DLG5: variants seen among roughly 807,000 people sequenced by gnomAD.
The protein encoded by DLG5 is discs large MAGUK scaffold protein 5.
Under a neutral mutation model 189.8 loss-of-function variants are expected in DLG5, and 48 were observed. The ratio of observed to expected loss-of-function variants is 0.25; its 90% CI spans 0.20 to 0.32. The LOEUF (loss-of-function observed/expected upper bound fraction) is 0.32. DLG5 is among the 10% of genes least tolerant of loss of function. The pLI is 1.00. For missense variants in DLG5, 2,160 were observed against 2,544.7 expected (o/e 0.85, Z 3.25); for synonymous variants, 1,016 against 1,054.1 (o/e 0.96, Z 0.70).
intron 1 of DLG5, among the ~76,000 whole-genome samples, chr10:77,902,095 G>C (rs116498240): frequency 0.011 from 1,626 of 152,348 alleles, 26 homozygotes; most frequent in African/African-American, 0.038. Context: ...AGAGGGAACA[G>C]ACAGGTGTGG....
intron 17 of DLG5, among the ~76,000 whole-genome samples, chr10:77,818,689 C>G (rs1186461335): frequency 6.6e-6 from 1 of 152,192 alleles, no homozygotes; most frequent in Non-Finnish European, 1.5e-5. Context: ...ACCACCCACT[C>G]TAACTTGCCA....
chr10:77,842,250 C>T (rs951587124), intron 6 of DLG5, 57 bp from the exon 7 acceptor site: 9 of 1,557,366 alleles, frequency 5.8e-6, no homozygotes, highest in African/African-American at 4.1e-5. Flanking sequence ...GGTCAGTGGC[C>T]GGCTGCGCTG....
intron 4 of DLG5, 71 bp downstream of exon 4, chr10:77,854,156 T>C: frequency 6.4e-7 from 1 of 1,567,782 alleles, no homozygotes; most frequent in East Asian, 2.2e-5. Flanking sequence ...GGCTACTAAG[T>C]CCAGAGAAAA....
In DLG5 at chr10:77,921,691, A is replaced by G. The variant is rs537133103; in HGVS notation, c.304+4526T>C. ...TCCCTCCATGGCTCCATGCATTCAG[A>G]GCTTCACTTCAACACCAAGTCCCAG... On this transcript the variant is annotated intron_variant, in intron 1 of 31. Transcript: ENST00000372391. Among the ~76,000 whole-genome samples the G allele has an allele frequency of 7.9e-5, 12 of 152,260 alleles. No homozygotes were observed. The East Asian group carries it at 2.3e-3, about 29-fold the overall frequency.
At chr10:77,815,535 C>T (rs1842007810) in intron 20 of DLG5, among the ~76,000 whole-genome samples, 1 of 152,144 alleles carries the variant, frequency 6.6e-6, no homozygotes, top group Non-Finnish European at 1.5e-5. Context: ...TGGTGGGCGC[C>T]TGTAATCTCA....
At chr10:77,817,755 A>G (rs933179875) in intron 18 of DLG5, 22 bp downstream of exon 18, 2 of 1,544,542 alleles carry the variant, frequency 1.3e-6, no homozygotes, top group East Asian at 2.4e-5. Flanking sequence ...TCTGCAGCAC[A>G]AAGTCCAAGT....
At chr10:77,896,103 T>C (rs944254607) in intron 1 of DLG5, among the ~76,000 whole-genome samples, 4 of 150,520 alleles carry the variant, frequency 2.7e-5, no homozygotes, top group African/African-American at 4.9e-5. Flanking sequence ...AAGTTTGCAG[T>C]GAGCCAAGAT....
intron 27 of DLG5, among the ~76,000 whole-genome samples, chr10:77,799,320 C>T (rs1841084675): frequency 6.6e-6 from 1 of 152,184 alleles, no homozygotes; most frequent in African/African-American, 2.4e-5. Context: ...CCCTAAGCCC[C>T]AGTGTGACTA....
intron 22 of DLG5, among the ~76,000 whole-genome samples, chr10:77,811,657 C>A (rs911604686): frequency 6.6e-6 from 1 of 152,104 alleles, no homozygotes; most frequent in Non-Finnish European, 1.5e-5. Flanking sequence ...TGAGAATCCA[C>A]CCCCGGGGCC....
At chr10:77,894,791 C>T (rs1845710454) in intron 1 of DLG5, among the ~76,000 whole-genome samples, 3 of 152,090 alleles carry the variant, frequency 2.0e-5, no homozygotes, top group Admixed American at 2.0e-4. Flanking sequence ...AAGAAGCCCT[C>T]GCTGCTAGCT....
intron 2 of DLG5, among the ~76,000 whole-genome samples, chr10:77,859,122 T>G (rs571979614): frequency 9.2e-5 from 14 of 152,180 alleles, no homozygotes; most frequent in Non-Finnish European, 1.8e-4. Context: ...GGGATCTGCC[T>G]GCCTTGGCCT....
At chr10:77,873,837 C>T (rs1564567787) in intron 1 of DLG5, among the ~76,000 whole-genome samples, 1 of 152,176 alleles carries the variant, frequency 6.6e-6, no homozygotes, top group African/African-American at 2.4e-5. Flanking sequence ...GCCAGCACCC[C>T]CTACCTCAAT....
chr10:77,815,862 T>A (rs917993681), intron 20 of DLG5, among the ~76,000 whole-genome samples: 2 of 152,104 alleles, frequency 1.3e-5, no homozygotes, highest in East Asian at 3.9e-4. Context: ...GTAAGTTCCA[T>A]CTAGGGGAAC....
At chr10:77,811,829 C>A in intron 22 of DLG5, 95 bp downstream of exon 22, 1 of 1,454,648 alleles carries the variant, frequency 6.9e-7, no homozygotes, top group Non-Finnish European at 9.1e-7. Context: ...CCAGAACTTA[C>A]GGCTGGCACC....
intron 27 of DLG5, among the ~76,000 whole-genome samples, chr10:77,797,181 C>G (rs1160587955): frequency 6.6e-6 from 1 of 152,208 alleles, no homozygotes; most frequent in African/African-American, 2.4e-5. Context: ...TTGTACATGA[C>G]AGAGAAATAA....
chr10:77,801,165 C>G (rs1841184579), intron 27 of DLG5, among the ~76,000 whole-genome samples: 1 of 152,158 alleles, frequency 6.6e-6, no homozygotes, highest in Admixed American at 6.5e-5. Flanking sequence ...CAGGGATGAC[C>G]ACACATGACA....
intron 5 of DLG5, among the ~76,000 whole-genome samples, chr10:77,850,439 T>G (rs1391669757): frequency 6.6e-6 from 1 of 152,222 alleles, no homozygotes; most frequent in Non-Finnish European, 1.5e-5. Flanking sequence ...TATTTATCCA[T>G]TCATCGGTCA....
At chr10:77,828,764 G>T in intron 13 of DLG5, 118 bp downstream of exon 13, 1 of 896,530 alleles carries the variant, frequency 1.1e-6, no homozygotes, top group Non-Finnish European at 1.8e-6. Context: ...TGTTCACATA[G>T]TACAATGCCC....
Position 77,792,555 on chromosome 10 carries a change from C to T in DLG5, c.5657-12G>A. The T allele has an allele frequency of 6.2e-7, 1 of 1,612,936 alleles. No homozygotes were observed. The highest frequency in any genetic ancestry group is 2.2e-5 in the East Asian group (1 of 44,872). ...TCCCTGGATGACCCCTGCAAAAGAG[C>T]CCCCCAGACACGTCATTCAGCTCAG... On this transcript the variant is annotated splice_polypyrimidine_tract_variant and intron_variant, in intron 31 of 31. Transcript: ENST00000372391.
Sources: gnomAD v4.1 joint callset for allele counts (sites outside exome capture counted in the v4.1 genomes callset) on GRCh38, gnomAD v4.1.1 for gene constraint, MANE v1.5 for transcripts, NCBI Gene and HGNC (gene_info 2026-07-23, HGNC 2026-07-21) for gene names.